The following SLC12A8 variants were observed in gnomAD, a reference collection of about 807,000 sequenced individuals.
SLC12A8 encodes the protein solute carrier family 12 member 8.
SLC12A8 carries 69 observed loss-of-function variants against 75.6 expected under a neutral mutation model. The observed-to-expected ratio is 0.91, with a 90% CI of 0.75 to 1.11. The LOEUF (loss-of-function observed/expected upper bound fraction) is 1.11, where lower values mean the gene tolerates loss of function less well. Among genes scored for constraint, SLC12A8 ranks in the 50% most tolerant of loss-of-function variants. The probability of loss-of-function intolerance (pLI) is 0.00; values close to 1 mark genes in which losing one functional copy is unlikely to be tolerated. For missense variants in SLC12A8, 877 were observed against 896.7 expected, an observed-to-expected ratio of 0.98 and a Z score of 0.28; for synonymous variants, 365 against 372.8, an observed-to-expected ratio of 0.98 and a Z score of 0.24.
At chr3:125,134,393 A>G (rs1170084713) in intron 6 of SLC12A8, among the ~76,000 whole-genome samples, 1 of 152,156 alleles carries the variant, frequency 6.6e-6, no homozygotes, top group African/African-American at 2.4e-5. Flanking sequence ...TACAGGTATG[A>G]GCCACCACGC....
intron 5 of SLC12A8, among the ~76,000 whole-genome samples, chr3:125,174,633 T>C (rs909689692): frequency 2.6e-5 from 4 of 152,206 alleles, no homozygotes; most frequent in Non-Finnish European, 5.9e-5. Context: ...TTTCTTTTTA[T>C]TCAGTGATAA....
At chr3:125,098,554 CCA>C (rs3222429) in intron 10 of SLC12A8, among the ~76,000 whole-genome samples, 47,383 of 143,756 alleles carry the variant, frequency 0.33, 7,492 homozygotes, top group Admixed American at 0.36. Flanking sequence ...TGAATCTTCT[CCA>C]CACACACACA....
intron 6 of SLC12A8, among the ~76,000 whole-genome samples, chr3:125,126,403 C>A (rs1406476839): frequency 2.0e-5 from 3 of 152,116 alleles, no homozygotes; most frequent in Non-Finnish European, 4.4e-5. Flanking sequence ...ATGAATCAAC[C>A]CCTTATAGCT....
At chr3:125,156,106 G>A (rs1002567746) in intron 5 of SLC12A8, among the ~76,000 whole-genome samples, 9 of 152,206 alleles carry the variant, frequency 5.9e-5, no homozygotes, top group South Asian at 2.1e-4. Flanking sequence ...ATGCTCTCAC[G>A]GGGCATGTGG....
At chr3:125,173,463 A>C (rs1208313053) in intron 5 of SLC12A8, among the ~76,000 whole-genome samples, 3 of 151,210 alleles carry the variant, frequency 2.0e-5, no homozygotes, top group Non-Finnish European at 3.0e-5. Context: ...AAAAAAAAAA[A>C]AAAAAAAAAA....
At chr3:125,107,317 A>C (rs1024778186) in intron 10 of SLC12A8, among the ~76,000 whole-genome samples, 164 bp downstream of exon 10, 1 of 152,258 alleles carries the variant, frequency 6.6e-6, no homozygotes, top group African/African-American at 2.4e-5. Flanking sequence ...GTATAATTAC[A>C]AATAATTCAG....
intron 2 of SLC12A8, among the ~76,000 whole-genome samples, chr3:125,210,550 C>T (rs1186692921): frequency 2.6e-5 from 4 of 152,190 alleles, no homozygotes; most frequent in African/African-American, 9.7e-5. Flanking sequence ...CTGGGCCTCA[C>T]ATTTTCTGTC....
At chr3:125,162,290 G>A (rs1934192106) in intron 5 of SLC12A8, among the ~76,000 whole-genome samples, 1 of 152,206 alleles carries the variant, frequency 6.6e-6, no homozygotes, top group African/African-American at 2.4e-5. Context: ...TGCTGGTGTT[G>A]GAGGACACAG....
At chr3:125,189,944 C>A (rs1934875355) in intron 3 of SLC12A8, among the ~76,000 whole-genome samples, 1 of 152,128 alleles carries the variant, frequency 6.6e-6, no homozygotes, top group Admixed American at 6.5e-5. Flanking sequence ...CACCTCTGAC[C>A]AAGCATCCCC....
chr3:125,119,587 G>C (rs572064447), intron 7 of SLC12A8, among the ~76,000 whole-genome samples: 3 of 152,212 alleles, frequency 2.0e-5, no homozygotes, highest in Admixed American at 1.3e-4. Context: ...AACAAGACAG[G>C]GTCCTCATTC....
intron 5 of SLC12A8, among the ~76,000 whole-genome samples, chr3:125,139,527 A>G (rs1933575406): frequency 6.6e-6 from 1 of 152,094 alleles, no homozygotes; most frequent in Admixed American, 6.5e-5. Flanking sequence ...GTCCTGAGCC[A>G]GTCCCCAAAG....
chr3:125,136,512 ACTC>A (rs1169437157), intron 5 of SLC12A8, among the ~76,000 whole-genome samples: 3 of 151,360 alleles, frequency 2.0e-5, no homozygotes, highest in Non-Finnish European at 4.4e-5. Flanking sequence ...CCCCAACTAA[ACTC>A]CTTGAGGCAT....
chr3:125,139,287 CCA>C (rs143088760), intron 5 of SLC12A8, among the ~76,000 whole-genome samples: 3,944 of 152,182 alleles, frequency 0.026, 146 homozygotes, highest in African/African-American at 0.079. Context: ...CCTCCATGAC[CCA>C]CAGTCTGAGG....
At chr3:125,151,773 T>A (rs192955860) in intron 5 of SLC12A8, among the ~76,000 whole-genome samples, 56 of 152,384 alleles carry the variant, frequency 3.7e-4, no homozygotes, top group Non-Finnish European at 6.9e-4. Context: ...TATAACTTTT[T>A]AAAAACATTT....
intron 5 of SLC12A8, among the ~76,000 whole-genome samples, chr3:125,150,249 T>C (rs929956866): frequency 2.6e-5 from 4 of 152,176 alleles, no homozygotes; most frequent in African/African-American, 9.7e-5. Context: ...GCTTTAATCA[T>C]ACCATTGGCT....
intron 5 of SLC12A8, among the ~76,000 whole-genome samples, chr3:125,176,350 C>T (rs1934527306): frequency 6.6e-6 from 1 of 152,168 alleles, no homozygotes; most frequent in Admixed American, 6.6e-5. Context: ...GGAATACAGG[C>T]ATGAGCCACT....
chr3:125,130,840 T>G (rs1579492657), intron 6 of SLC12A8, among the ~76,000 whole-genome samples: 1 of 151,922 alleles, frequency 6.6e-6, no homozygotes, highest in South Asian at 2.1e-4. Flanking sequence ...GGGAGCAGAG[T>G]GGAGGGGCAC....
chr3:125,136,299 C>T (rs1933492183), intron 5 of SLC12A8, among the ~76,000 whole-genome samples: 1 of 152,128 alleles, frequency 6.6e-6, no homozygotes, highest in Non-Finnish European at 1.5e-5. Flanking sequence ...TGAGGAAGGC[C>T]ACCCACACCC....
intron 2 of SLC12A8, among the ~76,000 whole-genome samples, chr3:125,210,486 T>C (rs900660275): frequency 3.3e-4 from 50 of 152,188 alleles, no homozygotes; most frequent in Admixed American, 9.8e-4. Flanking sequence ...GAGGAACAGA[T>C]GCCATCACAG....
Sources: gnomAD v4.1 joint callset for allele counts (sites outside exome capture counted in the v4.1 genomes callset) on GRCh38, gnomAD v4.1.1 for gene constraint, MANE v1.5 for transcripts, NCBI Gene and HGNC (gene_info 2026-07-23, HGNC 2026-07-21) for gene names.